The following ZC3H13 variants were observed in gnomAD, a reference collection of about 807,000 sequenced individuals.
ZC3H13 encodes zinc finger CCCH domain-containing protein 13.
In ZC3H13, 64 loss-of-function variants were observed where a neutral mutation model predicts 204.1. The observed-to-expected ratio is 0.31, with a 90% CI of 0.26 to 0.39. The LOEUF (loss-of-function observed/expected upper bound fraction) is 0.39. ZC3H13 is among the 10% of genes least tolerant of loss of function. The pLI, the probability that ZC3H13 is intolerant of heterozygous loss-of-function variation, is 1.00. For missense variants in ZC3H13, 1,833 were observed against 2,082.7 expected, an observed-to-expected ratio of 0.88 and a Z score of 2.33; for synonymous variants, 667 against 693.7, an observed-to-expected ratio of 0.96 and a Z score of 0.60.
At position 45,981,031 on chromosome 13, in the gene ZC3H13, CATTT is replaced by C. The variant is rs1303010827; in HGVS notation, c.1721-1031_1721-1028del. Among the ~76,000 whole-genome samples the C allele has an allele frequency of 3.9e-5, 6 of 152,208 alleles. No homozygotes were observed. In the East Asian group the frequency reaches 1.2e-3, roughly 29 times the overall value. ...TAAGGATAAACAAAGTTTCCCTGTACATTTATTTGCAATCTCCTGTGAATTCCTA... is the reference window on the plus strand; with the variant it reads ...TAAGGATAAACAAAGTTTCCCTGTACATTTGCAATCTCCTGTGAATTCCTA... On this transcript the variant is annotated intron_variant, in intron 10 of 18. Coordinates refer to ENST00000679008, the MANE Select transcript of ZC3H13 (RefSeq NM_001330564.2).
Position 45,955,382 on chromosome 13 carries a change from A to T in ZC3H13, c.*1745T>A, listed in dbSNP as rs1458456492. ...ACTGAGTGAACAAAGGAATAGTTCT[A>T]AATTTTCTTTTGCAACATACATAAC... On this transcript the variant is annotated 3_prime_UTR_variant, in exon 19 of 19. Transcript: ENST00000679008. 1 of 152,210 alleles carries T rather than the reference A, an allele frequency of 6.6e-6. No homozygotes were observed. Among genetic ancestry groups the T allele is most frequent in the Non-Finnish European group, 1.5e-5 (1 of 68,026 alleles). 9.4% of individuals were successfully genotyped at this position (152,210 alleles called of 1,614,324 possible).
At chr13:46,048,868 C>T (rs921033149) in intron 1 of ZC3H13, among the ~76,000 whole-genome samples, 2 of 152,244 alleles carry the variant, frequency 1.3e-5, no homozygotes, top group African/African-American at 2.4e-5. Flanking sequence ...CAGTGACTCA[C>T]GCCTGTAATC....
intron 4 of ZC3H13, among the ~76,000 whole-genome samples, chr13:46,025,092 G>A (rs2042459668): frequency 6.6e-6 from 1 of 152,056 alleles, no homozygotes; most frequent in Non-Finnish European, 1.5e-5. Context: ...TCAATTATTT[G>A]TATGTCAATA....
intron 8 of ZC3H13, among the ~76,000 whole-genome samples, chr13:45,989,401 C>G (rs2039804475): frequency 6.6e-6 from 1 of 152,156 alleles, no homozygotes; most frequent in South Asian, 2.1e-4. Context: ...ATGGAATTCA[C>G]TCTGATAATC....
chr13:46,006,366 TA>T (rs2041150492), intron 7 of ZC3H13, among the ~76,000 whole-genome samples: 1 of 151,818 alleles, frequency 6.6e-6, no homozygotes, highest in South Asian at 2.1e-4. Flanking sequence ...TAAAATAAAA[TA>T]AAATAAAATA....
chr13:46,013,366 A>G (rs1470278644), intron 5 of ZC3H13, among the ~76,000 whole-genome samples: 4 of 152,020 alleles, frequency 2.6e-5, no homozygotes, highest in South Asian at 2.1e-4. Context: ...GTAAGCTGAC[A>G]TCGTGCCACT....
At chr13:46,027,484 T>G (rs1341936130) in intron 4 of ZC3H13, among the ~76,000 whole-genome samples, 2 of 152,172 alleles carry the variant, frequency 1.3e-5, no homozygotes, top group Non-Finnish European at 2.9e-5. Context: ...CGGCTGAAAT[T>G]TCTAGAAAAA....
rs748920277 is a variant in ZC3H13, at chr13:45,975,485, TCTC to T, written c.2263_2265del (p.Glu755del). 8 of 1,613,010 alleles carry T rather than the reference TCTC, an allele frequency of 5.0e-6. No individual in the cohort carries two copies. In the South Asian group the frequency reaches 5.5e-5, roughly 11 times the overall value. On this transcript the variant is annotated inframe_deletion, in exon 12 of 19. Coordinates refer to ENST00000679008, the MANE Select transcript of ZC3H13 (RefSeq NM_001330564.2). Reference sequence around the variant, plus strand: ...CGTTCTCGCTCTCTCTCCCTCTCTCTCTCTTCTCTTTCTCGTTCCCGTTCTTTT... The same window carrying T: ...CGTTCTCGCTCTCTCTCCCTCTCTCTTTCTCTTTCTCGTTCCCGTTCTTTT...
At chr13:45,982,217 A>G (rs1231858382) in intron 10 of ZC3H13, among the ~76,000 whole-genome samples, 1 of 151,964 alleles carries the variant, frequency 6.6e-6, no homozygotes. Flanking sequence ...GGGTATTTTA[A>G]TAATCAAAAT....
chr13:45,982,670 T>C (rs1953753133), intron 10 of ZC3H13, among the ~76,000 whole-genome samples: 1 of 152,170 alleles, frequency 6.6e-6, no homozygotes, highest in Non-Finnish European at 1.5e-5. Context: ...ATTTGCATTA[T>C]ATTGGTTCAG....
Position 46,003,316 on chromosome 13 carries a change from C to T in ZC3H13, c.767G>A (p.Ser256Asn). Reference sequence around the variant, plus strand: ...AGGAGTACGTGGTCCTTTCTTTTTACTTTGGTTGGTTTTTGAATTTCTGAA... The same window carrying T: ...AGGAGTACGTGGTCCTTTCTTTTTATTTTGGTTGGTTTTTGAATTTCTGAA... ...DQQRNSKTNQSKKKGPRTPSP... is the reference protein window; with the variant it reads ...DQQRNSKTNQNKKKGPRTPSP... Residue 256 changes from serine (S) to asparagine (N), a missense_variant, in exon 8 of 19, where the codon AGT becomes AAT. This residue lies in a region of ZC3H13 where 1,574 missense variants were observed against 1,757.2 expected (regional missense o/e 0.90). Coordinates refer to ENST00000679008, the MANE Select transcript of ZC3H13 (RefSeq NM_001330564.2). 1 of 1,607,254 alleles carries T rather than the reference C, an allele frequency of 6.2e-7. No individual in the cohort carries two copies. Among genetic ancestry groups the T allele is most frequent in the Non-Finnish European group, 8.5e-7 (1 of 1,178,478 alleles).
chr13:46,019,223 T>C (rs950296149), intron 5 of ZC3H13, among the ~76,000 whole-genome samples: 44 of 152,290 alleles, frequency 2.9e-4, no homozygotes, highest in African/African-American at 9.9e-4. Flanking sequence ...TTCTGAAATA[T>C]AGTAGTTAAT....
At chr13:45,987,520 A>G (rs1415783321) in intron 9 of ZC3H13, among the ~76,000 whole-genome samples, 1 of 146,484 alleles carries the variant, frequency 6.8e-6, no homozygotes, top group African/African-American at 2.6e-5. Context: ...GTGCTGACCT[A>G]GTTCCAAAAT....
Position 45,975,297 on chromosome 13 carries a change from A to G in ZC3H13, c.2454T>C (p.Asp818=), listed in dbSNP as rs1044484818. Residue 818 remains aspartate, a synonymous_variant, in exon 12 of 19, where the codon GAT becomes GAC. Coordinates refer to ENST00000679008, the MANE Select transcript of ZC3H13 (RefSeq NM_001330564.2). ...ATTATTCTTACTTTGATTTTCTTTC[A>G]TCATGTCCATCTCTTGGATTCCTAT... ...REDRNPRDGH[D]ERKSKKRYRN... 1.2e-6 allele frequency: 2 copies of G among 1,609,780 alleles called. No homozygotes were observed. Among genetic ancestry groups the G allele is most frequent in the Admixed American group, 3.4e-5 (2 of 59,664 alleles).
In ZC3H13 at chr13:45,985,415, C is replaced by T. The variant is rs1387541297; in HGVS notation, c.1602G>A (p.Leu534=). 6.2e-7 allele frequency: 1 copy of T among 1,614,218 alleles called. No homozygotes were observed. Among genetic ancestry groups the T allele is most frequent in the South Asian group, 1.1e-5 (1 of 91,090 alleles). ...EESRSYGRNH[L]REESSRTEIR... is the part of the protein sequence containing the mutation. ...TTTCCGTACGAGAACTTTCTTCTCT[C>T]AAATGGTTTCGGCCATAACTCCGGG... The change falls in exon 10 of 19, where the codon TTG becomes TTA. Residue 534 remains leucine (L), a synonymous_variant. Coordinates refer to ENST00000679008, the MANE Select transcript of ZC3H13 (RefSeq NM_001330564.2).
At position 45,967,672 on chromosome 13, in the gene ZC3H13, C is replaced by G; in HGVS notation, c.4153G>C (p.Glu1385Gln). The G allele has an allele frequency of 2.5e-6, 4 of 1,614,068 alleles. No homozygotes were observed. Among genetic ancestry groups the G allele is most frequent in the Non-Finnish European group, 3.4e-6 (4 of 1,179,974 alleles). Residue 1385 changes from glutamate (E) to glutamine (Q), a missense_variant, in exon 15 of 19, where the codon GAG becomes CAG. Transcript: ENST00000679008. ...RDRTFESSQI[E>Q]SVKRCEAKLE... ...TTTGCTTCACAGCGTTTCACAGACT[C>G]TATTTGAGAACTCTCAAAAGTTCTG...
At chr13:46,007,184 T>C (rs999419720) in intron 7 of ZC3H13, among the ~76,000 whole-genome samples, 2 of 152,078 alleles carry the variant, frequency 1.3e-5, no homozygotes, top group African/African-American at 4.8e-5. Context: ...CTGAGCACAG[T>C]GGTAAACCAT....
chr13:46,050,131 G>A (rs1227635464), intron 1 of ZC3H13, among the ~76,000 whole-genome samples: 2 of 151,670 alleles, frequency 1.3e-5, no homozygotes, highest in African/African-American at 4.8e-5. Context: ...AAAGAAAATG[G>A]AAAAAGAAAA....
intron 1 of ZC3H13, among the ~76,000 whole-genome samples, chr13:46,047,002 G>A (rs1460122336): frequency 6.6e-6 from 1 of 152,082 alleles, no homozygotes; most frequent in Non-Finnish European, 1.5e-5. Flanking sequence ...AACCACAGCA[G>A]CTAAAAAAGT....
Sources: allele counts gnomAD v4.1 joint callset (sites outside exome capture counted in the v4.1 genomes callset), GRCh38; gene constraint gnomAD v4.1.1; regional missense constraint gnomAD v4.1.1; transcripts MANE v1.5; gene names NCBI Gene and HGNC (gene_info 2026-07-23, HGNC 2026-07-21).